The following ITGA3 variants were observed in gnomAD, a reference collection of about 807,000 sequenced individuals.
ITGA3 encodes the protein integrin alpha-3.
Under a neutral mutation model 131.1 loss-of-function variants are expected in ITGA3, and 70 were observed. The ratio of observed to expected loss-of-function variants is 0.53; its 90% CI spans 0.44 to 0.65. ITGA3 has a LOEUF of 0.65. Ranked by LOEUF, ITGA3 falls within the 30% of genes least tolerant of loss-of-function variation. ITGA3 has a pLI of 0.00. For synonymous variants in ITGA3, 537 were observed against 571.6 expected (o/e 0.94, Z 0.86); for missense variants, 1,098 against 1,388.6 (o/e 0.79, Z 3.33).
At chr17:50,074,827 A>G (rs1259965233) in intron 10 of ITGA3, among the ~76,000 whole-genome samples, 1 of 152,108 alleles carries the variant, frequency 6.6e-6, no homozygotes, top group East Asian at 1.9e-4. Context: ...GGAAAGGGGG[A>G]CGCATTTAAG....
chr17:50,073,593 AACACACAC>A (rs71146961), intron 7 of ITGA3, among the ~76,000 whole-genome samples: 2,156 of 144,030 alleles, frequency 0.015, 43 homozygotes, highest in African/African-American at 0.041. Flanking sequence ...ACTGTCTATA[AACACACAC>A]ACACACACAC....
Position 50,088,351 on chromosome 17 carries a change from C to A in ITGA3, c.*16C>A. 1.9e-6 allele frequency: 3 copies of A among 1,547,772 alleles called. No individual in the cohort carries two copies. The highest frequency in any genetic ancestry group is 2.6e-6 in the Non-Finnish European group (3 of 1,142,734). ...CGACTACTGAGGGGGCAGCCCCCCG[C>A]CCCCGGCCCACCTGGGTAACACGGC... On this transcript the variant is annotated 3_prime_UTR_variant, in exon 25 of 26. Transcript: ENST00000320031.
At chr17:50,058,066 C>T (rs1380495572) in intron 1 of ITGA3, among the ~76,000 whole-genome samples, 1 of 152,228 alleles carries the variant, frequency 6.6e-6, no homozygotes, top group African/African-American at 2.4e-5. Flanking sequence ...ACTTTCAATG[C>T]CAAATCTGCA....
intron 3 of ITGA3, chr17:50,066,032 CAA>C (rs1183511362): frequency 1.5e-4 from 6 of 38,720 alleles, no homozygotes; most frequent in Non-Finnish European, 2.5e-4. Context: ...GACTCCATCT[CAA>C]AAAAAAAAAA....
At chr17:50,068,826 A>T in intron 4 of ITGA3, among the ~76,000 whole-genome samples, 1 of 128,802 alleles carries the variant, frequency 7.8e-6, no homozygotes, top group Non-Finnish European at 1.6e-5. Flanking sequence ...TTATTTATTT[A>T]TTTATTTATT....
In ITGA3 at chr17:50,077,095, G is replaced by A; in HGVS notation, c.2044G>A (p.Ala682Thr). The change falls in exon 15 of 26, where the codon GCC (alanine) becomes ACC (threonine). Residue 682 changes from alanine to threonine, a missense_variant. By Grantham distance (58) the Ala-to-Thr change is moderately conservative. Coordinates refer to ENST00000320031, the MANE Select transcript of ITGA3 (RefSeq NM_002204.4). ...EALLTLVVPP[A>T]LLLSSVRPPG... Reference sequence around the variant, plus strand: ...GCTGCTCACCCTGGTGGTGCCTCCCGCCCTGCTGCTGTCCTCAGTGCGCCC... The same window carrying A: ...GCTGCTCACCCTGGTGGTGCCTCCCACCCTGCTGCTGTCCTCAGTGCGCCC... 2 of 1,573,626 alleles carry A rather than the reference G, an allele frequency of 1.3e-6. No individual in the cohort carries two copies. The highest frequency in any genetic ancestry group is 1.7e-6 in the Non-Finnish European group (2 of 1,156,918).
chr17:50,078,209 C>A lies in ITGA3; in HGVS notation c.2222C>A (p.Ser741Ter). 1 of 1,613,934 alleles carries A rather than the reference C, an allele frequency of 6.2e-7. No homozygotes were observed. The highest frequency in any genetic ancestry group is 8.5e-7 in the Non-Finnish European group (1 of 1,179,914). Residue 741 changes from serine to a stop codon, truncating the protein, a stop_gained and splice_region_variant, in exon 18 of 26, where the codon TCG (serine) becomes TAG (stop). Transcript: ENST00000320031. LOFTEE classifies it high-confidence loss of function. ...DLQVQLQLST[S>*]SHQDNLWPMI... is the part of the protein sequence containing the mutation. The stretch of plus-strand genomic sequence containing the variant: ...TAACCCCTGCATTTCCTCCCAAGGT[C>A]GAGTCACCAGGACAACCTGTGGCCC...
chr17:50,090,202 C>T lies in ITGA3; in HGVS notation c.*1124C>T. On this transcript the variant is annotated 3_prime_UTR_variant, in exon 26 of 26. Transcript: ENST00000320031. Reference sequence around the variant, plus strand: ...CCACCCCATCCAGCCAGACCCCACGCTGACCATGCGTCAGGGGCCTAGAGG... The same window carrying T: ...CCACCCCATCCAGCCAGACCCCACGTTGACCATGCGTCAGGGGCCTAGAGG... The T allele has an allele frequency of 2.2e-6, 1 of 456,326 alleles. No individual in the cohort carries two copies. The highest frequency in any genetic ancestry group is 4.4e-6 in the Non-Finnish European group (1 of 226,724). The allele number at this position is 456,326 out of a possible 1,614,324, so 28.3% of individuals were successfully genotyped here.
chr17:50,084,026 C>A (rs1909287305), intron 23 of ITGA3, among the ~76,000 whole-genome samples: 1 of 151,072 alleles, frequency 6.6e-6, no homozygotes, highest in African/African-American at 2.4e-5. Context: ...CATTTGAGTT[C>A]AGTTCGAGAC....
intron 10 of ITGA3, among the ~76,000 whole-genome samples, chr17:50,075,034 GT>G (rs1159455270): frequency 3.3e-5 from 5 of 152,248 alleles, no homozygotes; most frequent in African/African-American, 1.2e-4. Context: ...TGCTAAGAAA[GT>G]GACAGTAATG....
At chr17:50,071,903 G>C in intron 6 of ITGA3, 83 bp from the exon 7 acceptor site, 1 of 1,269,318 alleles carries the variant, frequency 7.9e-7, no homozygotes, top group Non-Finnish European at 1.1e-6. Flanking sequence ...CTGTGCCCTG[G>C]CACAGTCACA....
At position 50,078,909 on chromosome 17, in the gene ITGA3, C is replaced by G. The variant is rs765695966; in HGVS notation, c.2383C>G (p.Leu795Val). The G allele has an allele frequency of 1.2e-6, 2 of 1,608,566 alleles. No homozygotes were observed. Among genetic ancestry groups the G allele is most frequent in the Non-Finnish European group, 1.7e-6 (2 of 1,174,962 alleles). ...AACTGTGGAGGATGTAGGAAGCCCC[C>G]TCAAGTATGAATTCCAGGTAAGGGG... is the stretch of plus-strand genomic sequence containing the variant. Reference protein sequence around the residue: ...MKTVEDVGSPLKYEFQVGPMG... With the variant: ...MKTVEDVGSPVKYEFQVGPMG... Residue 795 changes from leucine (L) to valine (V), a missense_variant, in exon 19 of 26, where the codon CTC becomes GTC. Physicochemically the swap from Leu to Val is conservative, Grantham distance 32 (BLOSUM62 1). Transcript: ENST00000320031.
chr17:50,076,647 G>C lies in ITGA3; in HGVS notation c.1888G>C (p.Ala630Pro). 1 of 1,613,678 alleles carries C rather than the reference G, an allele frequency of 6.2e-7. No individual in the cohort carries two copies. Among genetic ancestry groups the C allele is most frequent in the African/African-American group, 1.3e-5 (1 of 75,040 alleles). Residue 630 changes from alanine to proline, a missense_variant, in exon 14 of 26, where the codon GCC becomes CCC. By Grantham distance (27) the Ala-to-Pro change is conservative. Transcript: ENST00000320031. ...KCESNLQMRA[A>P]FVSEQQQKLS... ...TGAGAGCAACTTGCAGATGCGGGCAGCCTTCGTGTCAGAGCAGCAGCAGAA... is the reference window on the plus strand; with the variant it reads ...TGAGAGCAACTTGCAGATGCGGGCACCCTTCGTGTCAGAGCAGCAGCAGAA...
chr17:50,075,346 C>T (rs1178502820), intron 10 of ITGA3, 113 bp from the exon 11 acceptor site: 2 of 1,087,434 alleles, frequency 1.8e-6, no homozygotes, highest in Admixed American at 3.7e-5. Context: ...AGTTTTGTCC[C>T]TGCCTCTCTC....
chr17:50,073,648 A>T (rs1567700198), intron 7 of ITGA3, among the ~76,000 whole-genome samples: 1 of 151,904 alleles, frequency 6.6e-6, no homozygotes, highest in South Asian at 2.1e-4. Flanking sequence ...ACACGCACAC[A>T]CACTGAATGC....
intron 23 of ITGA3, among the ~76,000 whole-genome samples, chr17:50,083,503 G>T (rs1347770218): frequency 2.0e-5 from 3 of 151,878 alleles, no homozygotes; most frequent in African/African-American, 4.8e-5. Flanking sequence ...CAGGCAGGTT[G>T]CTTGAGCCCA....
intron 4 of ITGA3, among the ~76,000 whole-genome samples, chr17:50,068,876 C>G (rs1157322976): frequency 1.3e-5 from 2 of 149,440 alleles, no homozygotes; most frequent in African/African-American, 4.9e-5. Flanking sequence ...GAGACAGAGT[C>G]TCACTCTGTC....
chr17:50,071,556 C>T (rs552718616), intron 6 of ITGA3, 38 bp downstream of exon 6: 12 of 1,546,752 alleles, frequency 7.8e-6, no homozygotes, highest in South Asian at 3.5e-5. Flanking sequence ...CCAGGGAGAG[C>T]GATGGGCGGG....
At chr17:50,081,743 C>T (rs1427561275) in intron 23 of ITGA3, among the ~76,000 whole-genome samples, 1 of 152,170 alleles carries the variant, frequency 6.6e-6, no homozygotes, top group Non-Finnish European at 1.5e-5. Context: ...GGCTGAGAGG[C>T]TGAGGCCTAG....
Sources: allele counts gnomAD v4.1 joint callset (sites outside exome capture counted in the v4.1 genomes callset), GRCh38; gene constraint gnomAD v4.1.1; transcripts MANE v1.5; gene names NCBI Gene and HGNC (gene_info 2026-07-23, HGNC 2026-07-21).